ATP2B4: variants seen among roughly 807,000 people sequenced by gnomAD.
ATP2B4 encodes the protein ATPase plasma membrane Ca2+ transporting 4.
A neutral mutation model predicts 110.3 loss-of-function variants in ATP2B4; 39 were observed. The ratio of observed to expected loss-of-function variants is 0.35; its 90% CI spans 0.27 to 0.46. ATP2B4 has a LOEUF of 0.46. Among genes scored for constraint, ATP2B4 ranks in the 20% least tolerant of loss-of-function variants. ATP2B4 has a pLI of 1.00. For synonymous variants in ATP2B4, 538 were observed against 571.7 expected (o/e 0.94, Z 0.84); for missense variants, 1,135 against 1,530.9 (o/e 0.74, Z 4.32).
intron 2 of ATP2B4, among the ~76,000 whole-genome samples, chr1:203,697,670 A>G (rs1362034579): frequency 6.6e-6 from 1 of 152,196 alleles, no homozygotes; most frequent in Non-Finnish European, 1.5e-5. Flanking sequence ...TGGATCTCAT[A>G]CTTGAGCAAA....
At chr1:203,689,073 T>C (rs186469991) in intron 2 of ATP2B4, among the ~76,000 whole-genome samples, 2 of 152,318 alleles carry the variant, frequency 1.3e-5, no homozygotes, top group East Asian at 3.9e-4. Context: ...TCAACCAATC[T>C]TTCCAATCCC....
intron 18 of ATP2B4, among the ~76,000 whole-genome samples, 186 bp downstream of exon 18, chr1:203,722,875 G>A (rs1412917186): frequency 6.6e-6 from 1 of 152,202 alleles, no homozygotes; most frequent in Non-Finnish European, 1.5e-5. Flanking sequence ...GGAGCCCATT[G>A]TGTCAAGAGC....
chr1:203,691,709 C>T (rs1199047247), intron 2 of ATP2B4, among the ~76,000 whole-genome samples: 7 of 151,910 alleles, frequency 4.6e-5, no homozygotes, highest in African/African-American at 7.3e-5. Flanking sequence ...ATCTCCAAGC[C>T]ATGCGTGTAT....
Position 203,722,534 on chromosome 1 carries a change from A to AG in ATP2B4, c.2870dup (p.Ser957ArgfsTer9). 1 of 1,614,192 alleles carries AG rather than the reference A, an allele frequency of 6.2e-7. No individual in the cohort carries two copies. Among genetic ancestry groups the AG allele is most frequent in the Non-Finnish European group, 8.5e-7 (1 of 1,180,016 alleles). On this transcript the variant is annotated frameshift_variant, in exon 18 of 21. Transcript: ENST00000357681. LOFTEE classifies it high-confidence loss of function. ...GAAGGCACCTCTACATTCACCACCCAGCCAGCACTATACCATTGTTTTTAA... is the reference window on the plus strand; with the variant it reads ...GAAGGCACCTCTACATTCACCACCCAGGCCAGCACTATACCATTGTTTTTAA...
intron 2 of ATP2B4, among the ~76,000 whole-genome samples, chr1:203,688,124 A>G (rs1421841544): frequency 6.6e-6 from 1 of 151,172 alleles, no homozygotes; most frequent in Non-Finnish European, 1.5e-5. Flanking sequence ...CCCAGGCTCA[A>G]CTGATCCTCC....
chr1:203,722,413 C>T, intron 17 of ATP2B4, 65 bp from the exon 18 acceptor site: 1 of 1,289,952 alleles, frequency 7.8e-7, no homozygotes, highest in South Asian at 1.2e-5. Context: ...TATATCTGTA[C>T]CAACACATTC....
rs1327440536 is a variant in ATP2B4 at position 203,720,656 on chromosome 1, C to T, written c.2514C>T (p.Asp838=). 6.2e-7 allele frequency: 1 copy of T among 1,614,166 alleles called. No homozygotes were observed. The highest frequency in any genetic ancestry group is 8.5e-7 in the Non-Finnish European group (1 of 1,180,010). ...KAVMWGRNVY[D]SISKFLQFQL... Reference sequence around the variant, plus strand: ...TGATGTGGGGACGAAATGTCTATGACAGCATCTCCAAGTTCCTGCAGTTCC... The same window carrying T: ...TGATGTGGGGACGAAATGTCTATGATAGCATCTCCAAGTTCCTGCAGTTCC... The change falls in exon 16 of 21, where the codon GAC becomes GAT. Residue 838 remains aspartate (D), a synonymous_variant. Coordinates refer to ENST00000357681, the MANE Select transcript of ATP2B4 (RefSeq NM_001684.5).
intron 4 of ATP2B4, 54 bp from the exon 5 acceptor site, chr1:203,700,152 C>T (rs934018164): frequency 6.3e-7 from 1 of 1,576,028 alleles, no homozygotes; most frequent in Non-Finnish European, 8.6e-7. Context: ...ACCCTACCCT[C>T]AGCCAGTCTC....
chr1:203,652,722 G>A (rs1664035833), intron 1 of ATP2B4, among the ~76,000 whole-genome samples: 1 of 152,050 alleles, frequency 6.6e-6, no homozygotes, highest in Non-Finnish European at 1.5e-5. Flanking sequence ...ATTTTTTGGT[G>A]TTACTAATAG....
At chr1:203,683,484 T>A in intron 2 of ATP2B4, 86 bp downstream of exon 2, 1 of 1,373,022 alleles carries the variant, frequency 7.3e-7, no homozygotes, top group Non-Finnish European at 9.8e-7. Context: ...AGAAGGCACA[T>A]TTCTGGAGGC....
chr1:203,650,639 G>T (rs1389564454), intron 1 of ATP2B4, among the ~76,000 whole-genome samples: 7 of 152,192 alleles, frequency 4.6e-5, no homozygotes. Flanking sequence ...AACTCGGCCG[G>T]CCCGGGGCGA....
chr1:203,642,007 A>G (rs1663646214), intron 1 of ATP2B4, among the ~76,000 whole-genome samples: 1 of 152,194 alleles, frequency 6.6e-6, no homozygotes, highest in African/African-American at 2.4e-5. Flanking sequence ...ACAGTGGGCC[A>G]CTGAGAACAG....
Position 203,709,536 on chromosome 1 carries a change from T to G in ATP2B4, c.1793T>G (p.Leu598Trp). 1 of 1,614,140 alleles carries G rather than the reference T, an allele frequency of 6.2e-7. No homozygotes were observed. Among genetic ancestry groups the G allele is most frequent in the Non-Finnish European group, 8.5e-7 (1 of 1,180,012 alleles). The stretch of plus-strand genomic sequence containing the variant: ...AGCAAGGGCGCCTCTGAGATCATCT[T>G]GCGCAAGTGAGCACCCCCGACCACT... ...MYSKGASEII[L>W]RKCNRILDRK... Residue 598 changes from leucine to tryptophan, a missense_variant, in exon 11 of 21, where the codon TTG becomes TGG. Leu to Trp is a moderately conservative substitution (Grantham distance 61). Coordinates refer to ENST00000357681, the MANE Select transcript of ATP2B4 (RefSeq NM_001684.5).
intron 1 of ATP2B4, among the ~76,000 whole-genome samples, chr1:203,663,146 T>G (rs771391120): frequency 1.3e-5 from 2 of 152,240 alleles, no homozygotes; most frequent in Non-Finnish European, 2.9e-5. Flanking sequence ...TTTTTGCATT[T>G]CTTCCCCTTG....
At chr1:203,720,514 A>G (rs753043464) in intron 15 of ATP2B4, 35 bp from the exon 16 acceptor site, 2 of 1,565,230 alleles carry the variant, frequency 1.3e-6, no homozygotes, top group African/African-American at 2.7e-5. Context: ...GGCTTTATCC[A>G]CTCCCTCACT....
chr1:203,703,372 G>T (rs371796608), intron 7 of ATP2B4, among the ~76,000 whole-genome samples: 1 of 152,258 alleles, frequency 6.6e-6, no homozygotes, highest in East Asian at 1.9e-4. Flanking sequence ...CCTAGCTTGG[G>T]ACTCTGAGGT....
At chr1:203,650,610 C>G (rs990520140) in intron 1 of ATP2B4, among the ~76,000 whole-genome samples, 1 of 152,138 alleles carries the variant, frequency 6.6e-6, no homozygotes. Context: ...GCGCAGAGGC[C>G]GGGGGAGCTG....
rs1663103737 is a variant in ATP2B4, at chr1:203,626,883, T to C, written c.-801T>C. 6.6e-6 allele frequency: 1 copy of C among 151,816 alleles called. No homozygotes were observed. Among genetic ancestry groups the C allele is most frequent in the African/African-American group, 2.4e-5 (1 of 41,238 alleles). 9.4% of individuals were successfully genotyped at this position (151,816 alleles called of 1,614,324 possible). Reference sequence around the variant, plus strand: ...AAGCATTTTCTTAAGAAAGCTCTGCTGTTGAGATCGTCCAAAGCTGGGGGC... The same window carrying C: ...AAGCATTTTCTTAAGAAAGCTCTGCCGTTGAGATCGTCCAAAGCTGGGGGC... On this transcript the variant is annotated 5_prime_UTR_variant, in exon 1 of 21. Coordinates refer to ENST00000357681, the MANE Select transcript of ATP2B4 (RefSeq NM_001684.5).
intron 1 of ATP2B4, among the ~76,000 whole-genome samples, chr1:203,662,674 T>C (rs1293712346): frequency 6.6e-6 from 1 of 152,236 alleles, no homozygotes; most frequent in Non-Finnish European, 1.5e-5. Context: ...TTCCATTGTA[T>C]GGATGTGCCA....
Sources: allele counts gnomAD v4.1 joint callset (sites outside exome capture counted in the v4.1 genomes callset), GRCh38; gene constraint gnomAD v4.1.1; transcripts MANE v1.5; gene names NCBI Gene and HGNC (gene_info 2026-07-23, HGNC 2026-07-21).